IGFLR1: variants seen among roughly 807,000 people sequenced by gnomAD.
IGFLR1 encodes IGF like family receptor 1.
In IGFLR1, 17 loss-of-function variants were observed where a neutral mutation model predicts 23.4. That is an observed-to-expected ratio of 0.73 (90% CI 0.50 to 1.09). The LOEUF (loss-of-function observed/expected upper bound fraction) is 1.09. Among genes scored for constraint, IGFLR1 ranks in the 50% least tolerant of loss-of-function variants. IGFLR1 has a pLI of 0.00. For synonymous variants in IGFLR1, 265 were observed against 210.7 expected, an observed-to-expected ratio of 1.26 and a Z score of -2.23; for missense variants, 556 against 459.2, an observed-to-expected ratio of 1.21 and a Z score of -1.93.
At chr19:35,739,654 C>T (rs1970087759) in intron 4 of IGFLR1, 28 bp from the exon 5 acceptor site, 4 of 1,585,112 alleles carry the variant, frequency 2.5e-6, no homozygotes, top group Non-Finnish European at 1.7e-6. Flanking sequence ...GGTAAAGGTG[C>T]GGAAGAGCGG....
chr19:35,741,336 T>C, intron 1 of IGFLR1, 113 bp from the exon 2 acceptor site: 1 of 1,104,824 alleles, frequency 9.1e-7, no homozygotes, highest in South Asian at 1.4e-5. Context: ...ATCCCCCAAC[T>C]GAGCCGGTTA....
intron 3 of IGFLR1, 70 bp downstream of exon 3, chr19:35,740,310 A>C: frequency 6.9e-7 from 1 of 1,450,138 alleles, no homozygotes; most frequent in South Asian, 1.4e-5. Context: ...ACGTGGGGCT[A>C]CGCCGGCTCC....
chr19:35,742,209 G>C (rs942743497), intron 1 of IGFLR1, among the ~76,000 whole-genome samples, 187 bp downstream of exon 1: 2 of 152,104 alleles, frequency 1.3e-5, no homozygotes, highest in Non-Finnish European at 2.9e-5. Context: ...CAATTCGGCA[G>C]GCACGGAGGA....
chr19:35,739,416 GC>G lies in IGFLR1; in HGVS notation c.931del (p.Ala311LeufsTer2). The G allele has an allele frequency of 6.2e-7, 1 of 1,613,782 alleles. No homozygotes were observed. The highest frequency in any genetic ancestry group is 1.1e-5 in the South Asian group (1 of 91,076). On this transcript the variant is annotated frameshift_variant, in exon 5 of 5. Transcript: ENST00000246532. LOFTEE classifies it low-confidence loss of function (END_TRUNC). Reference protein sequence around the residue: ...SLRPSRSPLRALIEMVVAREP... With the variant: ...SLRPSRSPLRXLIEMVVAREP... ...CCTTGCCACCACCATCTCAATCAGA[GC>G]CCGCAGCGGCGAGCGACTCGGCCTC... is the stretch of plus-strand genomic sequence containing the variant.
rs1568390448 is a variant in IGFLR1, at chr19:35,740,136, GC to G, written c.343-49del. ...AAGCTGGAGGCCACACTCCACTCCT[GC>G]CCGCTCCCAAACCTCCCAACTTTAT... On this transcript the variant is annotated intron_variant, in intron 3 of 4. Transcript: ENST00000246532. 4 of 1,543,476 alleles carry G rather than the reference GC, an allele frequency of 2.6e-6. No homozygotes were observed. The South Asian group carries it at 4.8e-5, about 18-fold the overall frequency.
At chr19:35,741,526 A>C in intron 1 of IGFLR1, 1 of 288,068 alleles carries the variant, frequency 3.5e-6, no homozygotes. Flanking sequence ...CGTCATTAGA[A>C]GTAAAGCAGG....
In IGFLR1 at chr19:35,739,830, C is replaced by CAGGATA. The variant is rs756436159; in HGVS notation, c.595_600dup (p.Tyr199_Pro200dup). ...GTGTTGGGGACTCCGCAGACCAAGC[C>CAGGATA]AGGATAGGGATAGGGGTCGGCTTTC... On this transcript the variant is annotated inframe_insertion, in exon 4 of 5. Transcript: ENST00000246532. 5.6e-6 allele frequency: 9 copies of CAGGATA among 1,607,878 alleles called. No homozygotes were observed. The highest frequency in any genetic ancestry group is 1.7e-5 in the Admixed American group (1 of 59,804).
In IGFLR1 at chr19:35,739,554, A is replaced by G; in HGVS notation, c.794T>C (p.Val265Ala). The G allele has an allele frequency of 6.2e-7, 1 of 1,614,102 alleles. No homozygotes were observed. Among genetic ancestry groups the G allele is most frequent in the Non-Finnish European group, 8.5e-7 (1 of 1,180,012 alleles). Residue 265 changes from valine (V) to alanine (A), a missense_variant, in exon 5 of 5, where the codon GTA (valine) becomes GCA (alanine). Coordinates refer to ENST00000246532, the MANE Select transcript of IGFLR1 (RefSeq NM_024660.4). Reference protein sequence around the residue: ...DELEVLEELIVLLDPEPGPGG... With the variant: ...DELEVLEELIALLDPEPGPGG... ...TGGCCCAGGCTCAGGGTCCAGCAGTACAATCAGCTCTTCCAGCACCTCCAG... is the reference window on the plus strand; with the variant it reads ...TGGCCCAGGCTCAGGGTCCAGCAGTGCAATCAGCTCTTCCAGCACCTCCAG...
chr19:35,739,133 T>C lies in IGFLR1; in HGVS notation c.*147A>G. The C allele has an allele frequency of 1.3e-6, 1 of 789,304 alleles. No homozygotes were observed. The highest frequency in any genetic ancestry group is 2.0e-6 in the Non-Finnish European group (1 of 506,520). The allele number at this position is 789,304 out of a possible 1,614,324, so 48.9% of individuals were successfully genotyped here. A position where few individuals can be genotyped will look rare whatever the true frequency, so the allele number is the denominator to read the frequency against. The stretch of plus-strand genomic sequence containing the variant: ...GGGTCAGCCCTCCCACATGTGGCCC[T>C]GTGTGTATGTTGGAATAGGCCCTTC... On this transcript the variant is annotated 3_prime_UTR_variant, in exon 5 of 5. Transcript: ENST00000246532.
At chr19:35,740,980 A>C in intron 2 of IGFLR1, 44 bp downstream of exon 2, 2 of 1,588,362 alleles carry the variant, frequency 1.3e-6, no homozygotes, top group Non-Finnish European at 1.7e-6. Flanking sequence ...GCTCCCTATC[A>C]CCTGCAAGCT....
At chr19:35,741,359 A>C in intron 1 of IGFLR1, 136 bp from the exon 2 acceptor site, 2 of 826,786 alleles carry the variant, frequency 2.4e-6, no homozygotes, top group South Asian at 1.6e-5. Context: ...AGAGAAGCCC[A>C]CAAGGCCACT....
rs1412037850 is a variant in IGFLR1 at position 35,741,198 on chromosome 19, C to T, written c.-18G>A. ...GGCCCCATCTGGGGGGCCGTGATAG[C>T]GGGACTTCCAAACACAGCGCCTCTG... On this transcript the variant is annotated 5_prime_UTR_variant, in exon 2 of 5. Transcript: ENST00000246532. The T allele has an allele frequency of 2.5e-6, 4 of 1,609,810 alleles. No individual in the cohort carries two copies. The highest frequency in any genetic ancestry group is 3.4e-6 in the Non-Finnish European group (4 of 1,178,882).
intron 3 of IGFLR1, 125 bp from the exon 4 acceptor site, chr19:35,740,213 T>C: frequency 7.3e-7 from 1 of 1,373,004 alleles, no homozygotes; most frequent in Non-Finnish European, 9.6e-7. Flanking sequence ...ATAAGGTAGT[T>C]GGGCCCCGCA....
At chr19:35,740,647 G>A (rs1970166614) in intron 2 of IGFLR1, 83 bp from the exon 3 acceptor site, 3 of 1,325,456 alleles carry the variant, frequency 2.3e-6, no homozygotes, top group Non-Finnish European at 3.1e-6. Context: ...CTATCCCAGC[G>A]TGCCCCGCCC....
chr19:35,739,171 C>A lies in IGFLR1; in HGVS notation c.*109G>T. 1 of 1,059,974 alleles carries A rather than the reference C, an allele frequency of 9.4e-7. No homozygotes were observed. The highest frequency in any genetic ancestry group is 1.7e-5 in the South Asian group (1 of 59,424). 65.7% of individuals were successfully genotyped at this position (1,059,974 alleles called of 1,614,324 possible). ...GAATAGGCCCTTCTAGGGCGAAGAGCAGTGAGGCTATCTGTTGGGTCTTTG... is the reference window on the plus strand; with the variant it reads ...GAATAGGCCCTTCTAGGGCGAAGAGAAGTGAGGCTATCTGTTGGGTCTTTG... On this transcript the variant is annotated 3_prime_UTR_variant, in exon 5 of 5. Coordinates refer to ENST00000246532, the MANE Select transcript of IGFLR1 (RefSeq NM_024660.4).
rs370695879 is a variant in IGFLR1, at chr19:35,739,509, C to T, written c.839G>A (p.Gly280Asp). The T allele has an allele frequency of 1.9e-6, 3 of 1,613,926 alleles. No homozygotes were observed. The highest frequency in any genetic ancestry group is 1.3e-5 in the African/African-American group (1 of 74,924). Residue 280 changes from glycine to aspartate, a missense_variant, in exon 5 of 5, where the codon GGC becomes GAC. By Grantham distance (94) the Gly-to-Asp change is moderately conservative (BLOSUM62 -1). Coordinates refer to ENST00000246532, the MANE Select transcript of IGFLR1 (RefSeq NM_024660.4). ...EPGPGGGMAHGTTRHLAARYG... is the reference protein window; with the variant it reads ...EPGPGGGMAHDTTRHLAARYG... Reference sequence around the variant, plus strand: ...TCTTGCGGCCAGGTGTCGAGTAGTGCCATGGGCCATACCCCCACCTGGCCC... The same window carrying T: ...TCTTGCGGCCAGGTGTCGAGTAGTGTCATGGGCCATACCCCCACCTGGCCC...
chr19:35,742,329 C>T, intron 1 of IGFLR1, 67 bp downstream of exon 1: 1 of 1,310,298 alleles, frequency 7.6e-7, no homozygotes, highest in African/African-American at 1.5e-5. Flanking sequence ...GGTCTCTCCC[C>T]CTTGAATAAG....
chr19:35,740,342 C>A (rs1970139993), intron 3 of IGFLR1, 38 bp downstream of exon 3: 1 of 1,519,436 alleles, frequency 6.6e-7, no homozygotes, highest in Non-Finnish European at 8.8e-7. Context: ...CCCCCCACCT[C>A]CAGCACGCCC....
At chr19:35,740,270 C>A in intron 3 of IGFLR1, 110 bp downstream of exon 3, 1 of 1,359,290 alleles carries the variant, frequency 7.4e-7, no homozygotes, top group Non-Finnish European at 9.7e-7. Context: ...TGCAGGCCAG[C>A]CACCTCCTGA....
Sources: gnomAD v4.1 joint callset for allele counts (sites outside exome capture counted in the v4.1 genomes callset) on GRCh38, gnomAD v4.1.1 for gene constraint, MANE v1.5 for transcripts, NCBI Gene and HGNC (gene_info 2026-07-23, HGNC 2026-07-21) for gene names.